CFAP74: variants seen among roughly 807,000 people sequenced by gnomAD.
CFAP74 encodes cilia and flagella associated protein 74.
In CFAP74, 124 loss-of-function variants were observed where a neutral mutation model predicts 188.9. The ratio of observed to expected loss-of-function variants is 0.66; its 90% confidence interval spans 0.57 to 0.76. The LOEUF (loss-of-function observed/expected upper bound fraction) is 0.76. Ranked by LOEUF, CFAP74 falls within the 30% of genes least tolerant of loss-of-function variation. The probability of loss-of-function intolerance (pLI) is 0.00; values close to 1 mark genes in which losing one functional copy is unlikely to be tolerated. For missense variants in CFAP74, 2,198 were observed against 2,165.2 expected (o/e 1.02, Z -0.30); for synonymous variants, 956 against 916.7 (o/e 1.04, Z -0.77).
At position 1,970,795 on chromosome 1, in the gene CFAP74, C is replaced by A. The variant is rs755297064; in HGVS notation, c.910G>T (p.Ala304Ser). Reference sequence around the variant, plus strand: ...AGCTCTGCCTTGGCACGGTCCCATGCTTGGAACTTCCGCAGTGTGTCCTTG... The same window carrying A: ...AGCTCTGCCTTGGCACGGTCCCATGATTGGAACTTCCGCAGTGTGTCCTTG... ...ANRDTLRKFQAWDRAKAELAE... is the reference protein window; with the variant it reads ...ANRDTLRKFQSWDRAKAELAE... Residue 304 changes from alanine to serine, a missense_variant, in exon 10 of 39, where the codon GCA (alanine) becomes TCA (serine). Coordinates refer to ENST00000682832, the MANE Select transcript of CFAP74 (RefSeq NM_001304360.2). 9 of 1,614,024 alleles carry A rather than the reference C, an allele frequency of 5.6e-6. No homozygotes were observed. In the Admixed American group the frequency reaches 1.2e-4, roughly 21 times the overall value.
At chr1:1,958,214 T>C (rs2102063743) in intron 16 of CFAP74, among the ~76,000 whole-genome samples, 1 of 152,352 alleles carries the variant, frequency 6.6e-6, no homozygotes, top group East Asian at 1.9e-4. Context: ...CATGAGGGCG[T>C]CTGCTGATCT....
chr1:1,990,835 T>C (rs1657523182), intron 2 of CFAP74, 55 bp downstream of exon 2: 3 of 1,384,950 alleles, frequency 2.2e-6, no homozygotes, highest in Non-Finnish European at 3.1e-6. Context: ...ATGAAGCATG[T>C]CATTTGTTTG....
intron 18 of CFAP74, chr1:1,953,628 G>A (rs948511395): frequency 1.3e-5 from 2 of 153,636 alleles, no homozygotes; most frequent in African/African-American, 4.8e-5. Context: ...GACAACGAAT[G>A]GATCGAATGG....
intron 11 of CFAP74, 90 bp from the exon 12 acceptor site, chr1:1,966,616 G>T: frequency 2.4e-6 from 3 of 1,231,212 alleles, no homozygotes; most frequent in Non-Finnish European, 3.2e-6. Flanking sequence ...GGTATGGCCC[G>T]CTGCCTGCCC....
rs528755439 is a variant in CFAP74, at chr1:1,983,131, G to C, written c.500+2255C>G. Among the ~76,000 whole-genome samples the C allele has an allele frequency of 4.6e-5, 7 of 152,310 alleles. No homozygotes were observed. In the South Asian group the frequency reaches 1.5e-3, roughly 32 times the overall value. On this transcript the variant is annotated intron_variant, in intron 6 of 38. Coordinates refer to ENST00000682832, the MANE Select transcript of CFAP74 (RefSeq NM_001304360.2). ...AGCACCCCCAGCCTACACGGAGAGC[G>C]ATCACGGAGGGGGAACGCTCCCCTA...
chr1:1,993,238 A>G (rs1055884279), intron 1 of CFAP74, among the ~76,000 whole-genome samples: 1 of 151,646 alleles, frequency 6.6e-6, no homozygotes, highest in African/African-American at 2.4e-5. Context: ...TTAAAATCAC[A>G]AACTCTTTAC....
intron 21 of CFAP74, among the ~76,000 whole-genome samples, 173 bp downstream of exon 21, chr1:1,944,158 G>A (rs1322494895): frequency 1.3e-5 from 2 of 152,094 alleles, no homozygotes; most frequent in African/African-American, 2.4e-5. Flanking sequence ...CCATGTCCCC[G>A]CTGGCCACTG....
rs544334851 is a variant in CFAP74 at position 1,934,078 on chromosome 1, C to T, written c.3012-3742G>A. ...ACCAGCAGCAGGGGTCTGAGGCCACCGGCATGAGGTCCCGGTCTGCATGGG... is the reference window on the plus strand; with the variant it reads ...ACCAGCAGCAGGGGTCTGAGGCCACTGGCATGAGGTCCCGGTCTGCATGGG... On this transcript the variant is annotated intron_variant, in intron 25 of 38. Transcript: ENST00000682832. Among the ~76,000 whole-genome samples the T allele has an allele frequency of 3.9e-5, 6 of 152,328 alleles. No individual in the cohort carries two copies. The East Asian group carries it at 5.8e-4, about 15-fold the overall frequency.
At chr1:1,992,063 C>A (rs1295963006) in intron 1 of CFAP74, among the ~76,000 whole-genome samples, 8 of 150,136 alleles carry the variant, frequency 5.3e-5, no homozygotes, top group African/African-American at 2.0e-4. Flanking sequence ...TGCCTGAGAT[C>A]AAAACGCTGC....
At chr1:1,985,704 G>A (rs72896704) in intron 5 of CFAP74, among the ~76,000 whole-genome samples, 1,555 of 152,354 alleles carry the variant, frequency 0.01, 29 homozygotes, top group African/African-American at 0.035. Context: ...CCCAGGGGGA[G>A]TGAGGGCTTG....
At position 1,956,797 on chromosome 1, in the gene CFAP74, A is replaced by G. The variant is rs1337539942; in HGVS notation, c.1852-13T>C. On this transcript the variant is annotated splice_polypyrimidine_tract_variant and intron_variant, in intron 16 of 38. Coordinates refer to ENST00000682832, the MANE Select transcript of CFAP74 (RefSeq NM_001304360.2). ...TGTCGAGGGACAGCTGCCAGAGGAC[A>G]TGGAGTGAACTCAGGGCCACCGTGC... 3 of 1,610,296 alleles carry G rather than the reference A, an allele frequency of 1.9e-6. No individual in the cohort carries two copies. The highest frequency in any genetic ancestry group is 2.5e-6 in the Non-Finnish European group (3 of 1,178,198).
In CFAP74 at chr1:1,940,402, G is replaced by A; in HGVS notation, c.2617C>T (p.His873Tyr). Reference protein sequence around the residue: ...YSVQLKFLPRHSLPEDAGRYF... With the variant: ...YSVQLKFLPRYSLPEDAGRYF... Reference sequence around the variant, plus strand: ...CTCCCTGCGTCCTCCGGGAGGGAGTGTCTGAAAGAGGCAGACAAGGCGAAT... The same window carrying A: ...CTCCCTGCGTCCTCCGGGAGGGAGTATCTGAAAGAGGCAGACAAGGCGAAT... The change falls in exon 23 of 39, where the codon CAC (histidine) becomes TAC (tyrosine). Residue 873 changes from histidine (H) to tyrosine (Y), a missense_variant and splice_region_variant. His to Tyr is a moderately conservative substitution (Grantham distance 83). Transcript: ENST00000682832. 2.0e-6 allele frequency: 3 copies of A among 1,523,318 alleles called. No individual in the cohort carries two copies. The highest frequency in any genetic ancestry group is 2.6e-6 in the Non-Finnish European group (3 of 1,140,390). 94.4% of individuals were successfully genotyped at this position (1,523,318 alleles called of 1,614,324 possible).
At position 1,923,748 on chromosome 1, in the gene CFAP74, G is replaced by A. The variant is rs748509376; in HGVS notation, c.4389+27C>T. On this transcript the variant is annotated intron_variant, in intron 35 of 38. Transcript: ENST00000682832. This position sits in a 1 kb window ranked among gnomAD's most constrained non-coding sequence, Gnocchi z 6.3. Reference sequence around the variant, plus strand: ...CTGCGTGGGGCCAGGGCCGGGCCGGGCTGAGCTTGCAGAGCCAGAGCCGCA... The same window carrying A: ...CTGCGTGGGGCCAGGGCCGGGCCGGACTGAGCTTGCAGAGCCAGAGCCGCA... 1.6e-5 allele frequency: 26 copies of A among 1,612,886 alleles called. No individual in the cohort carries two copies. Among genetic ancestry groups the A allele is most frequent in the African/African-American group, 1.6e-4 (12 of 74,894 alleles).
intron 9 of CFAP74, among the ~76,000 whole-genome samples, chr1:1,971,715 G>A (rs1157806903): frequency 6.6e-6 from 1 of 152,246 alleles, no homozygotes; most frequent in Non-Finnish European, 1.5e-5. Context: ...TCATGAGGAC[G>A]CCACTGCTTC....
At chr1:1,955,556 A>G (rs751351968) in intron 18 of CFAP74, 135 bp downstream of exon 18, 1 of 1,611,622 alleles carries the variant, frequency 6.2e-7, no homozygotes, top group South Asian at 1.1e-5. Context: ...TTCTTGCTTA[A>G]CCGTCACTTA....
intron 19 of CFAP74, 73 bp downstream of exon 19, chr1:1,946,917 T>A: frequency 8.3e-7 from 1 of 1,207,210 alleles, no homozygotes; most frequent in Non-Finnish European, 1.2e-6. Flanking sequence ...TGGGTTGGGG[T>A]GCAGCTGGGG....
chr1:1,959,069 T>C, intron 16 of CFAP74, 51 bp downstream of exon 16: 1 of 1,346,020 alleles, frequency 7.4e-7, no homozygotes. Flanking sequence ...CCACTGGGGT[T>C]CCCAGCCAGC....
intron 24 of CFAP74, 22 bp downstream of exon 24, chr1:1,939,572 C>T: frequency 6.5e-7 from 1 of 1,531,390 alleles, no homozygotes; most frequent in Non-Finnish European, 8.7e-7. Flanking sequence ...CCTCTTACCC[C>T]AGGCCTGGCT....
chr1:1,929,232 C>T (rs1415312538), intron 26 of CFAP74, among the ~76,000 whole-genome samples: 4 of 147,794 alleles, frequency 2.7e-5, no homozygotes, highest in African/African-American at 1.0e-4. Context: ...GAGTCCCACA[C>T]CCTAACCTGG....
Sources: allele counts gnomAD v4.1 joint callset (sites outside exome capture counted in the v4.1 genomes callset), GRCh38; gene constraint gnomAD v4.1.1; non-coding constraint Gnocchi (gnomAD v3.1); transcripts MANE v1.5; gene names NCBI Gene and HGNC (gene_info 2026-07-23, HGNC 2026-07-21).